The following SIN3B variants were observed in gnomAD, a reference collection of about 807,000 sequenced individuals.
SIN3B encodes paired amphipathic helix protein Sin3b.
In SIN3B, 19 loss-of-function variants were observed where a neutral mutation model predicts 120.2. The ratio of observed to expected loss-of-function variants is 0.16; its 90% confidence interval spans 0.11 to 0.23. SIN3B has a LOEUF of 0.23. SIN3B is among the 10% of genes least tolerant of loss of function. The probability of loss-of-function intolerance (pLI) is 1.00; values close to 1 mark genes in which losing one functional copy is unlikely to be tolerated. For missense variants in SIN3B, 1,073 were observed against 1,573.0 expected (o/e 0.68, Z 5.38); for synonymous variants, 654 against 653.2 (o/e 1.00, Z -0.02).
Position 16,862,421 on chromosome 19 carries a change from C to G in SIN3B, c.1128C>G (p.Pro376=). ...TAAAAGAGCTGTCCTTCGCGCCACC[C>G]ATGAGCGACAGATCCGGGGACGGGA... The part of the protein sequence containing the change: ...LGVKELSFAP[P]MSDRSGDGIS... The change falls in exon 9 of 19, where the codon CCC becomes CCG. Residue 376 remains proline (P), a synonymous_variant. Coordinates refer to ENST00000248054, the MANE Select transcript of SIN3B (RefSeq NM_001297595.2). The surrounding 1 kb of genome is among the most constrained non-coding windows in gnomAD (Gnocchi z 4.7). 1 of 1,614,170 alleles carries G rather than the reference C, an allele frequency of 6.2e-7. No homozygotes were observed. Among genetic ancestry groups the G allele is most frequent in the South Asian group, 1.1e-5 (1 of 91,068 alleles).
intron 3 of SIN3B, among the ~76,000 whole-genome samples, chr19:16,832,545 G>T (rs1049146055): frequency 6.7e-6 from 1 of 149,564 alleles, no homozygotes; most frequent in Admixed American, 6.7e-5. Flanking sequence ...CTGTTGCCCA[G>T]GCTGGAGTGC....
intron 8 of SIN3B, among the ~76,000 whole-genome samples, chr19:16,857,620 C>T (rs571516550): frequency 2.7e-5 from 4 of 150,878 alleles, no homozygotes; most frequent in Admixed American, 6.6e-5. Flanking sequence ...ACATGGCCAA[C>T]AAATGGCTTG....
chr19:16,873,386 C>T (rs2051537866), intron 14 of SIN3B, among the ~76,000 whole-genome samples: 1 of 152,200 alleles, frequency 6.6e-6, no homozygotes, highest in South Asian at 2.1e-4. Context: ...CCCTGCCCAT[C>T]ACCATCCACA....
At chr19:16,864,317 A>G (rs1235265954) in intron 10 of SIN3B, among the ~76,000 whole-genome samples, 2 of 151,950 alleles carry the variant, frequency 1.3e-5, no homozygotes, top group Non-Finnish European at 2.9e-5. Context: ...TTAATGTAAA[A>G]ATTAAATTTA....
At chr19:16,841,005 T>C (rs183367804) in intron 3 of SIN3B, among the ~76,000 whole-genome samples, 31 of 152,304 alleles carry the variant, frequency 2.0e-4, no homozygotes, top group Non-Finnish European at 3.5e-4. Context: ...GGAGGAATCC[T>C]GACTGGCTGG....
rs112976948 is a variant in SIN3B, at chr19:16,839,882, C to T, written c.382-1886C>T. Among the ~76,000 whole-genome samples the T allele has an allele frequency of 8.5e-3, 1,296 of 152,092 alleles. 15 individuals carry two copies. The highest frequency in any genetic ancestry group is 0.03 in the African/African-American group (1,234 of 41,474). ...AAATAGAAAAATTAGCCAGCGTGGT[C>T]GCACGGCACCTGTGATCCCAGCTAC... On this transcript the variant is annotated intron_variant, in intron 3 of 18. Coordinates refer to ENST00000248054, the MANE Select transcript of SIN3B (RefSeq NM_001297595.2).
rs138028046 is a variant in SIN3B at position 16,869,810 on chromosome 19, C to T, written c.2157C>T (p.Ala719=). ...AGGAGAAGGGGGCCTTCGGGGATGC[C>T]CCGGCCACTGAGCAGCCACCCCTGC... ...PPEEKGAFGD[A]PATEQPPLPP... Residue 719 remains alanine, a synonymous_variant, in exon 13 of 19, where the codon GCC becomes GCT. Coordinates refer to ENST00000248054, the MANE Select transcript of SIN3B (RefSeq NM_001297595.2). 12 of 1,613,764 alleles carry T rather than the reference C, an allele frequency of 7.4e-6. No homozygotes were observed. The highest frequency in any genetic ancestry group is 2.7e-5 in the African/African-American group (2 of 75,058).
At chr19:16,843,806 G>A (rs1971447626) in intron 4 of SIN3B, among the ~76,000 whole-genome samples, 2 of 152,130 alleles carry the variant, frequency 1.3e-5, no homozygotes, top group Admixed American at 1.3e-4. Context: ...CACCATGCAG[G>A]ATTCCCATTC....
chr19:16,877,243 G>C, intron 16 of SIN3B: 1 of 412,260 alleles, frequency 2.4e-6, no homozygotes, highest in Non-Finnish European at 4.4e-6. Context: ...AGTGTGGGCC[G>C]GGCGGTGCTC....
At chr19:16,854,072 C>A in intron 7 of SIN3B, 71 bp from the exon 8 acceptor site, 1 of 1,153,688 alleles carries the variant, frequency 8.7e-7, no homozygotes, top group Non-Finnish European at 1.3e-6. Context: ...ATGTGGCTGA[C>A]CTACAAGTGA....
intron 6 of SIN3B, among the ~76,000 whole-genome samples, chr19:16,852,580 C>A (rs1280417602): frequency 6.6e-6 from 1 of 152,226 alleles, no homozygotes; most frequent in Non-Finnish European, 1.5e-5. Context: ...GGAGATAGTT[C>A]TGGATGGACA....
rs765968952 is a variant in SIN3B at position 16,862,348 on chromosome 19, G to A, written c.1059-4G>A. 1 of 1,609,142 alleles carries A rather than the reference G, an allele frequency of 6.2e-7. No individual in the cohort carries two copies. Among genetic ancestry groups the A allele is most frequent in the Non-Finnish European group, 8.5e-7 (1 of 1,175,768 alleles). ...CCAGTTACCATGTGTCTTTATCTTTGAAGGAAATTTCCAGAACTCTTTGCA... is the reference window on the plus strand; with the variant it reads ...CCAGTTACCATGTGTCTTTATCTTTAAAGGAAATTTCCAGAACTCTTTGCA... On this transcript the variant is annotated splice_region_variant and splice_polypyrimidine_tract_variant and intron_variant, in intron 8 of 18. Transcript: ENST00000248054. The surrounding 1 kb of genome is among the most constrained non-coding windows in gnomAD (Gnocchi z 4.7).
chr19:16,875,943 C>T (rs59410975), intron 14 of SIN3B, 112 bp from the exon 15 acceptor site: 56,916 of 1,282,166 alleles, frequency 0.044, 2,369 homozygotes, highest in African/African-American at 0.19. Context: ...ATCCCTGTGT[C>T]ATGCACTCTC....
At chr19:16,829,608 C>G in intron 1 of SIN3B, 68 bp downstream of exon 1, 1 of 1,248,982 alleles carries the variant, frequency 8.0e-7, no homozygotes, top group Non-Finnish European at 1.0e-6. Context: ...CGCCCCTCAC[C>G]CAGGCCCCGC....
chr19:16,829,412 A>C lies in SIN3B; in HGVS notation c.-9A>C. 8.3e-7 allele frequency: 1 copy of C among 1,202,438 alleles called. No individual in the cohort carries two copies. Among genetic ancestry groups the C allele is most frequent in the Non-Finnish European group, 1.0e-6 (1 of 968,828 alleles). 74.5% of individuals were successfully genotyped at this position (1,202,438 alleles called of 1,614,324 possible). On this transcript the variant is annotated 5_prime_UTR_variant, in exon 1 of 19. Coordinates refer to ENST00000248054, the MANE Select transcript of SIN3B (RefSeq NM_001297595.2). ...GGGGGCGGGGCGGGGCGCAGCTCCG[A>C]CTTCGGACATGGCGCACGCTGGCGG...
intron 4 of SIN3B, among the ~76,000 whole-genome samples, chr19:16,844,820 T>C (rs1488398222): frequency 2.0e-5 from 3 of 152,184 alleles, no homozygotes; most frequent in Admixed American, 6.5e-5. Context: ...GTGGATCTGG[T>C]GGCAGCCTGT....
rs780851133 is a variant in SIN3B, at chr19:16,854,146, C to T, written c.943C>T (p.Arg315Cys). 4.3e-6 allele frequency: 7 copies of T among 1,610,556 alleles called. No homozygotes were observed. Among genetic ancestry groups the T allele is most frequent in the East Asian group, 2.2e-5 (1 of 44,852 alleles). ...LQEFSFFDKV[R>C]RVLKSQEVYE... Reference sequence around the variant, plus strand: ...TCCCTGACTGCTCTCTCTGCAGGTCCGCCGGGTGCTGAAGAGCCAGGAGGT... The same window carrying T: ...TCCCTGACTGCTCTCTCTGCAGGTCTGCCGGGTGCTGAAGAGCCAGGAGGT... The change falls in exon 8 of 19, where the codon CGC (arginine) becomes TGC (cysteine). Residue 315 changes from arginine (R) to cysteine (C), a missense_variant. Coordinates refer to ENST00000248054, the MANE Select transcript of SIN3B (RefSeq NM_001297595.2).
chr19:16,855,370 T>TCCCCCCC (rs56055685), intron 8 of SIN3B: 5 of 52,944 alleles, frequency 9.4e-5, no homozygotes, highest in East Asian at 4.3e-4. Flanking sequence ...GGAGAAACCT[T>TCCCCCCC]CCCCCCCCCC....
Position 16,865,514 on chromosome 19 carries a change from GGAC to G in SIN3B, c.1492_1494del (p.Asp498del). On this transcript the variant is annotated inframe_deletion, in exon 11 of 19. Transcript: ENST00000248054. ...CGGAAGACCAGGAGAAGTTCCGGCT[GGAC>G]GACTCCCTGGGAGGCACGTCGGAGG... 1 of 1,613,712 alleles carries G rather than the reference GGAC, an allele frequency of 6.2e-7. No homozygotes were observed. The highest frequency in any genetic ancestry group is 8.5e-7 in the Non-Finnish European group (1 of 1,179,796).
Sources: gnomAD v4.1 joint callset for allele counts (sites outside exome capture counted in the v4.1 genomes callset) on GRCh38, gnomAD v4.1.1 for gene constraint, Gnocchi (gnomAD v3.1) non-coding constraint, MANE v1.5 for transcripts, NCBI Gene and HGNC (gene_info 2026-07-23, HGNC 2026-07-21) for gene names.